The following INPP4A variants were observed in gnomAD, a reference collection of about 807,000 sequenced individuals.
INPP4A encodes inositol polyphosphate-4-phosphatase type I A, also known as inositol polyphosphate-4-phosphatase, type I, 107kD.
A neutral mutation model predicts 119.8 loss-of-function variants in INPP4A; 33 were observed. The ratio of observed to expected loss-of-function variants is 0.28; its 90% confidence interval spans 0.21 to 0.37. The LOEUF is 0.37. Ranked by LOEUF, INPP4A falls within the 10% of genes least tolerant of loss-of-function variation. INPP4A has a pLI of 1.00. For missense variants in INPP4A, 956 were observed against 1,289.9 expected (o/e 0.74, Z 3.97); for synonymous variants, 496 against 500.7 (o/e 0.99, Z 0.12).
chr2:98,564,653 T>C lies in INPP4A; in HGVS notation c.2042T>C (p.Ile681Thr), dbSNP rs1696107453. 1 of 1,613,330 alleles carries C rather than the reference T, an allele frequency of 6.2e-7. No individual in the cohort carries two copies. The highest frequency in any genetic ancestry group is 1.3e-5 in the African/African-American group (1 of 74,938). The change falls in exon 19 of 25, where the codon ATC becomes ACC. Residue 681 changes from isoleucine (I) to threonine (T), a missense_variant. Around this residue, in one of 2 missense-constraint regions of INPP4A, gnomAD observed 304 missense variants for 492.1 expected, o/e 0.62. Transcript: ENST00000409851. ...VVFCQTLTAL[I>T]CGFIIKLRNC... ...ACGCTCCCACAGCTGACCGCCCTCA[T>C]CTGCGGCTTCATCATTAAGCTGAGG...
At chr2:98,528,416 A>T (rs1268977565) in intron 4 of INPP4A, among the ~76,000 whole-genome samples, 1 of 152,090 alleles carries the variant, frequency 6.6e-6, no homozygotes, top group African/African-American at 2.4e-5. Flanking sequence ...GTGGGACACA[A>T]TCAAGTGCAC....
chr2:98,512,885 C>T (rs890206394), intron 1 of INPP4A, among the ~76,000 whole-genome samples: 6 of 152,178 alleles, frequency 3.9e-5, no homozygotes, highest in African/African-American at 9.7e-5. Flanking sequence ...CCACCTTGTC[C>T]GTGTTCCTGC....
Position 98,593,535 on chromosome 2 carries a change from C to T in INPP4A, c.*5927C>T, listed in dbSNP as rs1490072869. On this transcript the variant is annotated 3_prime_UTR_variant, in exon 25 of 25. Transcript: ENST00000409851. ...CACATTCCTGTTGAACAAATGGTCA[C>T]TTATATGGTAGTGACTCCTAAATTT... 1 of 152,250 alleles carries T rather than the reference C, an allele frequency of 6.6e-6. No homozygotes were observed. The highest frequency in any genetic ancestry group is 1.5e-5 in the Non-Finnish European group (1 of 68,072). 9.4% of individuals were successfully genotyped at this position (152,250 alleles called of 1,614,324 possible).
chr2:98,453,428 G>A (rs558871099), intron 1 of INPP4A, among the ~76,000 whole-genome samples: 2 of 152,346 alleles, frequency 1.3e-5, no homozygotes, highest in South Asian at 2.1e-4. Flanking sequence ...GGAAGGATAA[G>A]CATTTTTTGG....
intron 1 of INPP4A, among the ~76,000 whole-genome samples, chr2:98,487,229 A>G (rs1351401507): frequency 6.6e-6 from 1 of 152,126 alleles, no homozygotes; most frequent in Non-Finnish European, 1.5e-5. Context: ...ACATTTCCCT[A>G]GTTTTTAACC....
Position 98,546,818 on chromosome 2 carries a change from G to GATCCTCCTGCCAC in INPP4A, c.1163+124_1163+125insATCCTCCTGCCAC. 1.5e-6 allele frequency: 1 copy of GATCCTCCTGCCAC among 674,554 alleles called. No homozygotes were observed. The highest frequency in any genetic ancestry group is 2.7e-6 in the Non-Finnish European group (1 of 373,044). 41.8% of individuals were successfully genotyped at this position (674,554 alleles called of 1,614,324 possible). On this transcript the variant is annotated intron_variant, in intron 13 of 24. Coordinates refer to ENST00000409851, the MANE Select transcript of INPP4A (RefSeq NM_001134225.2). This position sits in a 1 kb window ranked among gnomAD's most constrained non-coding sequence, Gnocchi z 4.2. ...CCATCTGATCTGCTTTTGCGTGGCAGGAGGATCTGCCTTATGGAGCCTGTG... is the reference window on the plus strand; with the variant it reads ...CCATCTGATCTGCTTTTGCGTGGCAGATCCTCCTGCCACGAGGATCTGCCTTATGGAGCCTGTG...
At chr2:98,571,195 A>T (rs990369244) in intron 22 of INPP4A, among the ~76,000 whole-genome samples, 1 of 152,174 alleles carries the variant, frequency 6.6e-6, no homozygotes, top group Non-Finnish European at 1.5e-5. Context: ...TATCCACTTT[A>T]TGTGGATTCT....
At chr2:98,510,204 G>A (rs1252209673) in intron 1 of INPP4A, among the ~76,000 whole-genome samples, 14 of 152,196 alleles carry the variant, frequency 9.2e-5, no homozygotes, top group Non-Finnish European at 2.1e-4. Flanking sequence ...AGCTAATAGA[G>A]TTGTCAATGG....
At chr2:98,551,221 G>T (rs1242746720) in intron 13 of INPP4A, among the ~76,000 whole-genome samples, 2 of 152,196 alleles carry the variant, frequency 1.3e-5, no homozygotes, top group African/African-American at 4.8e-5. Context: ...CTACCAAAGT[G>T]CTAGGATTAT....
At chr2:98,471,426 G>GT (rs987812681) in intron 1 of INPP4A, among the ~76,000 whole-genome samples, 1 of 152,212 alleles carries the variant, frequency 6.6e-6, no homozygotes, top group African/African-American at 2.4e-5. Context: ...TGGGAGTATG[G>GT]TTTTTTAACT....
intron 4 of INPP4A, among the ~76,000 whole-genome samples, chr2:98,523,084 A>G (rs554691640): frequency 3.3e-5 from 5 of 152,342 alleles, no homozygotes; most frequent in African/African-American, 9.6e-5. Flanking sequence ...TCATCACAAG[A>G]GAGAAGTGGA....
rs144325787 is a variant in INPP4A at position 98,469,658 on chromosome 2, G to A, written c.-166+24573G>A. 2.8e-3 allele frequency among the ~76,000 whole-genome samples: 423 copies of A among 152,022 alleles called. 1 individual carries two copies. Among genetic ancestry groups the A allele is most frequent in the African/African-American group, 9.9e-3 (409 of 41,450 alleles). ...TCTCTACTAAAAATACAAAAAATTA[G>A]CCGGGCGTTGGGGCGCATCCCTGTA... On this transcript the variant is annotated intron_variant, in intron 1 of 24. Transcript: ENST00000409851.
chr2:98,565,588 G>A (rs895227872), intron 19 of INPP4A, 52 bp from the exon 20 acceptor site: 2 of 1,559,308 alleles, frequency 1.3e-6, no homozygotes, highest in Non-Finnish European at 1.7e-6. Flanking sequence ...CTGAGACTGG[G>A]GAGAGTAGCA....
chr2:98,453,128 C>T (rs1345571330), intron 1 of INPP4A, among the ~76,000 whole-genome samples: 1 of 152,162 alleles, frequency 6.6e-6, no homozygotes, highest in East Asian at 1.9e-4. Context: ...ATCACAATGA[C>T]CCACTTTTCC....
Position 98,552,789 on chromosome 2 carries a change from A to G in INPP4A, c.1167A>G (p.Thr389=). The G allele has an allele frequency of 6.2e-7, 1 of 1,611,402 alleles. No homozygotes were observed. The highest frequency in any genetic ancestry group is 8.5e-7 in the Non-Finnish European group (1 of 1,177,596). ...LHKFEETKKH[T]SSGCQSIIYI... is the part of the protein sequence containing the mutation. ...AATCCATTCTTATCCTTTCCAGTAC[A>G]TCATCTGGCTGCCAGTCCATAATCT... Residue 389 remains threonine (T), a synonymous_variant, in exon 14 of 25, where the codon ACA becomes ACG. Coordinates refer to ENST00000409851, the MANE Select transcript of INPP4A (RefSeq NM_001134225.2).
chr2:98,539,195 A>T (rs1690916620), intron 9 of INPP4A, among the ~76,000 whole-genome samples: 1 of 152,218 alleles, frequency 6.6e-6, no homozygotes, highest in Non-Finnish European at 1.5e-5. Flanking sequence ...AAAAATAAAA[A>T]AGAATTAGTA....
At chr2:98,470,080 G>A (rs960879450) in intron 1 of INPP4A, among the ~76,000 whole-genome samples, 3 of 152,218 alleles carry the variant, frequency 2.0e-5, no homozygotes, top group Admixed American at 2.0e-4. Context: ...CATCTCACTT[G>A]GTAAAACCAC....
chr2:98,481,594 A>G (rs1312878563), intron 1 of INPP4A, among the ~76,000 whole-genome samples: 1 of 152,256 alleles, frequency 6.6e-6, no homozygotes, highest in Non-Finnish European at 1.5e-5. Flanking sequence ...TAAAATGATT[A>G]TATCACATTG....
intron 1 of INPP4A, among the ~76,000 whole-genome samples, chr2:98,447,018 T>C (rs1177065095): frequency 6.6e-6 from 1 of 152,074 alleles, no homozygotes; most frequent in Non-Finnish European, 1.5e-5. Context: ...TCAGCCAACA[T>C]CTCTTCAAAT....
Sources: allele counts gnomAD v4.1 joint callset (sites outside exome capture counted in the v4.1 genomes callset), GRCh38; gene constraint gnomAD v4.1.1; regional missense constraint gnomAD v4.1.1; non-coding constraint Gnocchi (gnomAD v3.1); transcripts MANE v1.5; gene names NCBI Gene and HGNC (gene_info 2026-07-23, HGNC 2026-07-21).